Variants in CHRDL1 observed in about 807,000 individuals in gnomAD.
CHRDL1 encodes the protein chordin-like protein 1.
CHRDL1 carries 19 observed loss-of-function variants against 40.9 expected under a neutral mutation model. That is an observed-to-expected ratio of 0.46 (90% confidence interval 0.32 to 0.68). The LOEUF (loss-of-function observed/expected upper bound fraction) is 0.68, where lower values mean the gene tolerates loss of function less well. Ranked by LOEUF, CHRDL1 falls within the 30% of genes least tolerant of loss-of-function variation. The probability of loss-of-function intolerance (pLI) is 0.03; values close to 1 mark genes in which losing one functional copy is unlikely to be tolerated. For synonymous variants in CHRDL1, 136 were observed against 123.4 expected, an observed-to-expected ratio of 1.10 and a Z score of -0.68; for missense variants, 329 against 352.1, an observed-to-expected ratio of 0.93 and a Z score of 0.53.
intron 9 of CHRDL1, among the ~76,000 whole-genome samples, 159 bp from the exon 10 acceptor site, chrX:110,681,808 A>C (rs1196895551): frequency 8.9e-6 from 1 of 112,594 alleles, no homozygotes; most frequent in Non-Finnish European, 1.9e-5. Flanking sequence ...CCCATACTTC[A>C]TTAGCCCAGC....
chrX:110,733,872 C>T (rs764072206), intron 4 of CHRDL1, among the ~76,000 whole-genome samples: 1 of 96,948 alleles, frequency 1.0e-5, no homozygotes, highest in Non-Finnish European at 2.0e-5. Context: ...TGCACTGCTG[C>T]AGTGCACAGC....
At chrX:110,719,348 G>A (rs976752489) in intron 6 of CHRDL1, among the ~76,000 whole-genome samples, 26 of 111,782 alleles carry the variant, frequency 2.3e-4, no homozygotes, top group African/African-American at 8.1e-4. Flanking sequence ...TATAATTTGA[G>A]AAAATGCTTT....
At chrX:110,704,555 C>T (rs765984525) in intron 6 of CHRDL1, among the ~76,000 whole-genome samples, 6 of 111,071 alleles carry the variant, frequency 5.4e-5, no homozygotes, top group Non-Finnish European at 1.1e-4. Flanking sequence ...AATGAGACTC[C>T]TACAGATGAA....
At chrX:110,681,292 T>A (rs755331126) in intron 10 of CHRDL1, among the ~76,000 whole-genome samples, 190 bp downstream of exon 10, 1 of 112,154 alleles carries the variant, frequency 8.9e-6, no homozygotes, top group East Asian at 2.8e-4. Context: ...CAGTACTTGA[T>A]CTTTAGCACA....
chrX:110,785,615 GT>G (rs2090005919), intron 2 of CHRDL1, among the ~76,000 whole-genome samples: 1 of 111,557 alleles, frequency 9.0e-6, no homozygotes, highest in South Asian at 3.8e-4. Flanking sequence ...AAGTGCTTCA[GT>G]TTTGTAAACT....
rs189236046 is a variant in CHRDL1 at position 110,744,887 on chromosome X, C to T, written c.301+14774G>A. ...GCACTATGCTAACTCCTTTAGATAC[C>T]TTAATTCAGTTAATCCTCACAACAG... On this transcript the variant is annotated intron_variant, in intron 4 of 11. Coordinates refer to ENST00000372042, the MANE Select transcript of CHRDL1 (RefSeq NM_001143981.2). Among the ~76,000 whole-genome samples, 16 of 109,070 alleles carry T rather than the reference C, an allele frequency of 1.5e-4. No homozygotes were observed. In the East Asian group the frequency reaches 4.4e-3, roughly 30 times the overall value. The allele number at this position is 109,070 out of a possible 115,157, so 94.7% of individuals were successfully genotyped here. A position where few individuals can be genotyped will look rare whatever the true frequency, so the allele number is the denominator to read the frequency against.
chrX:110,762,608 T>G, intron 3 of CHRDL1, 87 bp downstream of exon 3: 2 of 547,215 alleles, frequency 3.7e-6, no homozygotes, highest in Non-Finnish European at 6.3e-6. Flanking sequence ...GATTTTATCA[T>G]CCATGGTCCC....
intron 4 of CHRDL1, among the ~76,000 whole-genome samples, chrX:110,748,056 T>C (rs1291091861): frequency 9.0e-6 from 1 of 111,671 alleles, no homozygotes; most frequent in African/African-American, 3.3e-5. Flanking sequence ...ACTTCTACTC[T>C]TTCTCCCCCT....
At chrX:110,743,955 A>C (rs1302795551) in intron 4 of CHRDL1, among the ~76,000 whole-genome samples, 1 of 111,285 alleles carries the variant, frequency 9.0e-6, no homozygotes, top group Non-Finnish European at 1.9e-5. Flanking sequence ...GACTCAGAGG[A>C]GGAATCTCAG....
chrX:110,732,268 AT>A (rs1414829645), intron 4 of CHRDL1, among the ~76,000 whole-genome samples: 2 of 110,868 alleles, frequency 1.8e-5, no homozygotes, highest in Non-Finnish European at 3.8e-5. Context: ...GGAGGGGGTG[AT>A]GGGGGGAAGA....
intron 6 of CHRDL1, among the ~76,000 whole-genome samples, chrX:110,706,244 T>C (rs1171549853): frequency 7.2e-5 from 8 of 111,871 alleles, no homozygotes; most frequent in Non-Finnish European, 1.5e-4. Flanking sequence ...CAAGTCTTTT[T>C]GTAAAAAACA....
At chrX:110,763,716 T>G in intron 2 of CHRDL1, among the ~76,000 whole-genome samples, 1 of 111,183 alleles carries the variant, frequency 9.0e-6, no homozygotes, top group Non-Finnish European at 1.9e-5. Flanking sequence ...GCAAGTATCT[T>G]TTTCGAATAA....
At chrX:110,777,280 G>A (rs1390966285) in intron 2 of CHRDL1, among the ~76,000 whole-genome samples, 1 of 111,556 alleles carries the variant, frequency 9.0e-6, no homozygotes, top group Non-Finnish European at 1.9e-5. Context: ...CCAAGTTTTC[G>A]TAATTACAAA....
Position 110,721,429 on chromosome X carries a change from A to G in CHRDL1, c.403T>C (p.Phe135Leu). The G allele has an allele frequency of 8.3e-7, 1 of 1,210,030 alleles. No individual in the cohort carries two copies. Among genetic ancestry groups the G allele is most frequent in the Non-Finnish European group, 1.1e-6 (1 of 893,766 alleles). The change falls in exon 5 of 12, where the codon TTT (phenylalanine) becomes CTT (leucine). Residue 135 changes from phenylalanine to leucine, a missense_variant. By Grantham distance (22) the Phe-to-Leu change is conservative (BLOSUM62 0). Coordinates refer to ENST00000372042, the MANE Select transcript of CHRDL1 (RefSeq NM_001143981.2). ...HGELFVAEGLFQNRQPNQCTQ... is the reference protein window; with the variant it reads ...HGELFVAEGLLQNRQPNQCTQ... ...CATTGATTGGGTTGCCGATTCTGAA[A>G]GAGCCCTTCAGCTACGAACAGCTCT...
intron 4 of CHRDL1, among the ~76,000 whole-genome samples, chrX:110,733,256 T>C (rs1247744147): frequency 9.0e-6 from 1 of 111,410 alleles, no homozygotes; most frequent in African/African-American, 3.3e-5. Flanking sequence ...TGGAGTTCCA[T>C]GTACGGACCC....
chrX:110,788,175 A>C (rs1414860911), intron 2 of CHRDL1, among the ~76,000 whole-genome samples: 1 of 112,198 alleles, frequency 8.9e-6, no homozygotes, highest in Admixed American at 9.4e-5. Flanking sequence ...TAAGCAACAA[A>C]TGGCTCATTC....
intron 9 of CHRDL1, among the ~76,000 whole-genome samples, chrX:110,687,205 GTTGCCA>G (rs1236882811): frequency 2.7e-5 from 3 of 111,753 alleles, no homozygotes; most frequent in African/African-American, 9.8e-5. Context: ...GCTCCTAGCT[GTTGCCA>G]GTCCATAAAC....
intron 4 of CHRDL1, among the ~76,000 whole-genome samples, chrX:110,730,620 T>C (rs988197843): frequency 9.0e-6 from 1 of 110,860 alleles, no homozygotes; most frequent in Admixed American, 9.6e-5. Flanking sequence ...TCTCACTCTG[T>C]TGCCCAGGCT....
At chrX:110,786,977 T>C (rs1003862046) in intron 2 of CHRDL1, among the ~76,000 whole-genome samples, 1 of 111,721 alleles carries the variant, frequency 9.0e-6, no homozygotes, top group Non-Finnish European at 1.9e-5. Context: ...AAGAGGCAGA[T>C]GGGTATAGTG....
Sources: gnomAD v4.1 joint callset for allele counts (sites outside exome capture counted in the v4.1 genomes callset) on GRCh38, gnomAD v4.1.1 for gene constraint, MANE v1.5 for transcripts, NCBI Gene and HGNC (gene_info 2026-07-23, HGNC 2026-07-21) for gene names.